RAD51B: variants seen among roughly 807,000 people sequenced by gnomAD.
The protein encoded by RAD51B is RAD51 paralog B.
RAD51B carries 38 observed loss-of-function variants against 42.2 expected under a neutral mutation model. The observed-to-expected ratio is 0.90, with a 90% CI of 0.70 to 1.18. The LOEUF is 1.18. RAD51B is among the 50% of genes most tolerant of loss of function. The probability of loss-of-function intolerance (pLI) is 0.00; values close to 1 mark genes in which losing one functional copy is unlikely to be tolerated. For missense variants in RAD51B, 373 were observed against 400.7 expected, an observed-to-expected ratio of 0.93 and a Z score of 0.59; for synonymous variants, 154 against 145.2, an observed-to-expected ratio of 1.06 and a Z score of -0.43.
At chr14:67,959,408 G>A (rs543703487) in intron 7 of RAD51B, among the ~76,000 whole-genome samples, 160 of 152,134 alleles carry the variant, frequency 1.1e-3, no homozygotes, top group African/African-American at 3.5e-3. Flanking sequence ...CACCACGCCT[G>A]GCTAATGTTT....
At chr14:68,031,803 A>G (rs1161357523) in intron 7 of RAD51B, among the ~76,000 whole-genome samples, 1 of 152,226 alleles carries the variant, frequency 6.6e-6, no homozygotes, top group East Asian at 1.9e-4. Context: ...AAGAATAGAA[A>G]TCTGAGATGG....
At chr14:68,466,316 AT>A (rs1174520612) in intron 9 of RAD51B, among the ~76,000 whole-genome samples, 28 of 152,310 alleles carry the variant, frequency 1.8e-4, no homozygotes, top group African/African-American at 6.0e-4. Context: ...AGTGACAGGT[AT>A]TTTGTATACT....
At chr14:67,939,280 A>C in intron 7 of RAD51B, among the ~76,000 whole-genome samples, 1 of 152,214 alleles carries the variant, frequency 6.6e-6, no homozygotes, top group Non-Finnish European at 1.5e-5. Flanking sequence ...TTTTAAATAC[A>C]TGTAGATACC....
At chr14:68,298,913 T>G (rs1472009482) in intron 8 of RAD51B, among the ~76,000 whole-genome samples, 1 of 152,156 alleles carries the variant, frequency 6.6e-6, no homozygotes, top group Non-Finnish European at 1.5e-5. Context: ...GCATGAAGCG[T>G]CTTCAGAATG....
intron 7 of RAD51B, among the ~76,000 whole-genome samples, chr14:68,077,580 G>A (rs972601089): frequency 2.6e-5 from 4 of 152,132 alleles, no homozygotes; most frequent in African/African-American, 2.4e-5. Context: ...CTCATACTCC[G>A]AGAACAAAAC....
intron 10 of RAD51B, among the ~76,000 whole-genome samples, chr14:68,575,620 T>C (rs948851648): frequency 6.6e-6 from 1 of 152,156 alleles, no homozygotes; most frequent in Non-Finnish European, 1.5e-5. Context: ...CCATGGTGAA[T>C]GGGGATTCTC....
At chr14:67,820,478 A>C (rs901923694) in intron 1 of RAD51B, among the ~76,000 whole-genome samples, 31 of 152,150 alleles carry the variant, frequency 2.0e-4, no homozygotes, top group Admixed American at 2.6e-4. Flanking sequence ...GACAGGGTTC[A>C]TTCTCCAGGG....
At chr14:68,611,385 C>CA (rs1159240239) in exon 11 of RAD51B, 5 of 624,328 alleles carry the variant, frequency 8.0e-6, no homozygotes, top group Non-Finnish European at 1.4e-5. Flanking sequence ...ACAATGTCTC[C>CA]AGTGAAAAAG....
At chr14:68,448,009 T>C (rs555435643) in intron 9 of RAD51B, among the ~76,000 whole-genome samples, 10 of 152,300 alleles carry the variant, frequency 6.6e-5, no homozygotes, top group African/African-American at 2.4e-4. Context: ...AACATAATTT[T>C]CAAAATCTAG....
intron 7 of RAD51B, among the ~76,000 whole-genome samples, chr14:68,281,238 G>A (rs998472068): frequency 6.6e-6 from 1 of 152,168 alleles, no homozygotes; most frequent in Non-Finnish European, 1.5e-5. Flanking sequence ...GGCATTTGGG[G>A]TGGGTAAACC....
chr14:68,240,261 C>T lies in RAD51B; in HGVS notation c.757-51623C>T, dbSNP rs17105236. Among the ~76,000 whole-genome samples the T allele has an allele frequency of 7.8e-3, 1,181 of 152,286 alleles. 15 individuals carry two copies. Among genetic ancestry groups the T allele is most frequent in the African/African-American group, 0.028 (1,143 of 41,542 alleles). On this transcript the variant is annotated intron_variant, in intron 7 of 10. Coordinates refer to ENST00000471583, the MANE Select transcript of RAD51B (RefSeq NM_133510.4). ...TAATAAGTGCGATGACTTAGAACAG[C>T]GCCTTTCACTCCAGGAGCTGGAAAC...
intron 7 of RAD51B, among the ~76,000 whole-genome samples, chr14:68,171,820 C>G (rs996175201): frequency 1.3e-5 from 2 of 152,058 alleles, no homozygotes; most frequent in African/African-American, 2.4e-5. Context: ...GATTCTCCTG[C>G]CTCAGCCTCC....
intron 8 of RAD51B, among the ~76,000 whole-genome samples, chr14:68,410,458 G>A (rs564706213): frequency 3.3e-5 from 5 of 152,132 alleles, no homozygotes; most frequent in African/African-American, 4.8e-5. Context: ...AAAAAAGATC[G>A]CATCTGGAGG....
chr14:68,062,829 AAAG>A (rs1421404638), intron 7 of RAD51B, among the ~76,000 whole-genome samples: 2,706 of 148,444 alleles, frequency 0.018, 56 homozygotes, highest in African/African-American at 0.05. Context: ...AAAAAAAAAA[AAAG>A]AAAAAAAAAA....
At chr14:68,215,519 G>A (rs1000111780) in intron 7 of RAD51B, among the ~76,000 whole-genome samples, 3 of 152,164 alleles carry the variant, frequency 2.0e-5, no homozygotes, top group Non-Finnish European at 2.9e-5. Context: ...CGGGAGTTAG[G>A]TGCTATTATC....
At chr14:68,109,897 A>C (rs1399166089) in intron 7 of RAD51B, among the ~76,000 whole-genome samples, 2 of 147,946 alleles carry the variant, frequency 1.4e-5, no homozygotes, top group Non-Finnish European at 2.9e-5. Context: ...TCTTTGGCGT[A>C]CTTACTTCAA....
chr14:68,037,781 C>T (rs114552710), intron 7 of RAD51B, among the ~76,000 whole-genome samples: 2,499 of 152,298 alleles, frequency 0.016, 37 homozygotes, highest in African/African-American at 0.039. Flanking sequence ...CATAATAACA[C>T]TTGACAGTTG....
At chr14:67,832,265 C>T (rs1489071299) in intron 3 of RAD51B, among the ~76,000 whole-genome samples, 1 of 152,202 alleles carries the variant, frequency 6.6e-6, no homozygotes, top group Non-Finnish European at 1.5e-5. Flanking sequence ...CATGAGCCAT[C>T]ATGCCCAGCC....
chr14:68,077,722 A>C (rs2076855223), intron 7 of RAD51B, among the ~76,000 whole-genome samples: 1 of 152,302 alleles, frequency 6.6e-6, no homozygotes, highest in South Asian at 2.1e-4. Flanking sequence ...TTGGGAGGCC[A>C]AGGTGGGCGG....
Sources: gnomAD v4.1 joint callset for allele counts (sites outside exome capture counted in the v4.1 genomes callset) on GRCh38, gnomAD v4.1.1 for gene constraint, MANE v1.5 for transcripts, NCBI Gene and HGNC (gene_info 2026-07-23, HGNC 2026-07-21) for gene names.